The following INCENP variants were observed in gnomAD, a reference collection of about 807,000 sequenced individuals.
INCENP encodes the protein binds and activates aurora-B and -C in vivo and in vitro.
In INCENP, 43 loss-of-function variants were observed where a neutral mutation model predicts 107.3. The observed-to-expected ratio is 0.40, with a 90% confidence interval of 0.31 to 0.52. The LOEUF (loss-of-function observed/expected upper bound fraction) is 0.52. Among genes scored for constraint, INCENP ranks in the 20% least tolerant of loss-of-function variants. The probability of loss-of-function intolerance (pLI) is 0.53; values close to 1 mark genes in which losing one functional copy is unlikely to be tolerated. For synonymous variants in INCENP, 488 were observed against 494.4 expected, an observed-to-expected ratio of 0.99 and a Z score of 0.17; for missense variants, 1,089 against 1,250.9, an observed-to-expected ratio of 0.87 and a Z score of 1.95.
rs373715279 is a variant in INCENP at position 62,140,190 on chromosome 11, C to A, written c.1292-44C>A. 5.0e-6 allele frequency: 8 copies of A among 1,592,090 alleles called. No homozygotes were observed. In the African/African-American group the frequency reaches 1.1e-4, roughly 21 times the overall value. ...CTACACCCCCATTCCCACCCTGCCG[C>A]CGCCATCGTTTCTGCAGCCTTGCTG... is the stretch of plus-strand genomic sequence containing the variant. On this transcript the variant is annotated intron_variant, in intron 7 of 18. Transcript: ENST00000394818.
In INCENP at chr11:62,145,115, T is replaced by G. The variant is rs560622425; in HGVS notation, c.1715+24T>G. On this transcript the variant is annotated intron_variant, in intron 12 of 18. Transcript: ENST00000394818. Reference sequence around the variant, plus strand: ...CTGTAAGTGGCCTGGCTTCCTGGACTGTGGCCCATCCCAGCCTTGGTGGGG... The same window carrying G: ...CTGTAAGTGGCCTGGCTTCCTGGACGGTGGCCCATCCCAGCCTTGGTGGGG... 1.2e-5 allele frequency: 20 copies of G among 1,613,988 alleles called. No individual in the cohort carries two copies. The East Asian group carries it at 4.2e-4, about 34-fold the overall frequency.
intron 1 of INCENP, among the ~76,000 whole-genome samples, chr11:62,125,797 C>T (rs1675128): frequency 0.57 from 86,004 of 152,084 alleles, 25,816 homozygotes; most frequent in Non-Finnish European, 0.67. Context: ...GGGCATTCAA[C>T]GATGAGCAAG....
chr11:62,140,666 C>G (rs1434214334), intron 8 of INCENP, 38 bp from the exon 9 acceptor site: 1 of 1,508,004 alleles, frequency 6.6e-7, no homozygotes, highest in African/African-American at 1.4e-5. Context: ...TGGGCTGTGG[C>G]GGGCTGCCCT....
Position 62,151,983 on chromosome 11 carries a change from C to T in INCENP, c.*7C>T. The stretch of plus-strand genomic sequence containing the variant: ...CAGCCTGAAGAAGCACTGAGGCTGG[C>T]CTGCGGCCTTCTTGGCAGCCTCGCC... On this transcript the variant is annotated 3_prime_UTR_variant, in exon 19 of 19. Transcript: ENST00000394818. 6.2e-7 allele frequency: 1 copy of T among 1,602,602 alleles called. No individual in the cohort carries two copies. The highest frequency in any genetic ancestry group is 8.5e-7 in the Non-Finnish European group (1 of 1,175,864).
Position 62,140,973 on chromosome 11 carries a change from C to T in INCENP, c.1522C>T (p.Pro508Ser). The T allele has an allele frequency of 6.2e-7, 1 of 1,614,242 alleles. No individual in the cohort carries two copies. ...GCAGAGGAACCAGATGCTCATGACC[C>T]CGACCTCAGCCCCACGCAGCGTCAT... Reference protein sequence around the residue: ...TVQRNQMLMTPTSAPRSVMKS... With the variant: ...TVQRNQMLMTSTSAPRSVMKS... Residue 508 changes from proline to serine, a missense_variant, in exon 10 of 19, where the codon CCG becomes TCG. By Grantham distance (74) the Pro-to-Ser change is moderately conservative. Transcript: ENST00000394818.
At position 62,124,092 on chromosome 11, in the gene INCENP, C is replaced by G. The variant is rs1254444459; in HGVS notation, c.-83C>G. ...AGGCCCGGAGCCAAGTGGGTCTGGG[C>G]AAGCGGGGCCTTACCTAGGGATACC... On this transcript the variant is annotated 5_prime_UTR_variant, in exon 1 of 19. Transcript: ENST00000394818. The G allele has an allele frequency of 1.3e-5, 2 of 152,250 alleles. No homozygotes were observed. Among genetic ancestry groups the G allele is most frequent in the African/African-American group, 4.8e-5 (2 of 41,464 alleles). 9.4% of individuals were successfully genotyped at this position (152,250 alleles called of 1,614,324 possible).
intron 1 of INCENP, among the ~76,000 whole-genome samples, chr11:62,125,586 T>C (rs11230917): frequency 0.55 from 82,996 of 152,132 alleles, 24,397 homozygotes; most frequent in Non-Finnish European, 0.67. Flanking sequence ...GGCCCTGCCC[T>C]GATTATTGCT....
At chr11:62,129,276 A>AC (rs1410263032) in intron 3 of INCENP, among the ~76,000 whole-genome samples, 3 of 152,252 alleles carry the variant, frequency 2.0e-5, no homozygotes, top group African/African-American at 7.2e-5. Flanking sequence ...CTCAGGAATG[A>AC]TTGGGGCTGC....
intron 18 of INCENP, among the ~76,000 whole-genome samples, chr11:62,150,822 G>T (rs1590631973): frequency 1.3e-5 from 2 of 152,200 alleles, no homozygotes; most frequent in South Asian, 4.1e-4. Context: ...TGCCAGAGTG[G>T]ATGGGGCCCG....
intron 14 of INCENP, among the ~76,000 whole-genome samples, chr11:62,146,312 C>T (rs1475171027): frequency 6.6e-6 from 1 of 152,200 alleles, no homozygotes; most frequent in Non-Finnish European, 1.5e-5. Flanking sequence ...TGCGTATCAA[C>T]CCAGCAACCC....
rs1360900777 is a variant in INCENP at position 62,128,755 on chromosome 11, C to T, written c.141-15C>T. 8 of 1,590,078 alleles carry T rather than the reference C, an allele frequency of 5.0e-6. No homozygotes were observed. In the South Asian group the frequency reaches 7.7e-5, roughly 15 times the overall value. On this transcript the variant is annotated splice_polypyrimidine_tract_variant and intron_variant, in intron 2 of 18. Coordinates refer to ENST00000394818, the MANE Select transcript of INCENP (RefSeq NM_001040694.2). ...CCCAGGCAGCCTCGAGTGACACCCT[C>T]CTTGTGCCAAACAGAGAATTCAGCA...
chr11:62,150,276 G>T, intron 18 of INCENP, 69 bp downstream of exon 18: 1 of 1,541,622 alleles, frequency 6.5e-7, no homozygotes. Flanking sequence ...GGCCCTGGAA[G>T]TAGTGGGTTG....
intron 6 of INCENP, 49 bp downstream of exon 6, chr11:62,138,819 T>G (rs1944047729): frequency 1.2e-6 from 2 of 1,607,840 alleles, no homozygotes; most frequent in Admixed American, 1.7e-5. Context: ...GGGCTCCCGC[T>G]CTGCACTACG....
chr11:62,151,859 C>A lies in INCENP; in HGVS notation c.2640C>A (p.Ile880=). 1 of 1,614,230 alleles carries A rather than the reference C, an allele frequency of 6.2e-7. No individual in the cohort carries two copies. Among genetic ancestry groups the A allele is most frequent in the African/African-American group, 1.3e-5 (1 of 75,076 alleles). ...TTCTCCCACTGGACTTGGAGGATAT[C>A]TTCAAGAAGAGCAAGCCCCGCTATC... is the stretch of plus-strand genomic sequence containing the variant. ...GTILPLDLED[I]FKKSKPRYHK... Residue 880 remains isoleucine, a synonymous_variant, in exon 19 of 19, where the codon ATC becomes ATA. Coordinates refer to ENST00000394818, the MANE Select transcript of INCENP (RefSeq NM_001040694.2).
intron 8 of INCENP, 92 bp downstream of exon 8, chr11:62,140,377 A>T: frequency 8.9e-7 from 1 of 1,125,462 alleles, no homozygotes; most frequent in Non-Finnish European, 1.4e-6. Context: ...ATGTGTGCTC[A>T]GGGGCTTCAG....
chr11:62,140,802 C>T lies in INCENP; in HGVS notation c.1442C>T (p.Ser481Leu), dbSNP rs1207311812. The T allele has an allele frequency of 1.9e-6, 3 of 1,613,238 alleles. No homozygotes were observed. The highest frequency in any genetic ancestry group is 3.3e-5 in the Admixed American group (2 of 60,016). ...LQPPRSKTPS[S>L]PCPASKVVRP... The stretch of plus-strand genomic sequence containing the variant: ...CCCCCCAGGAGCAAGACCCCTTCCT[C>T]ACCCTGCCCAGCCAGCAAGGTGAGC... The change falls in exon 9 of 19, where the codon TCA (serine) becomes TTA (leucine). Residue 481 changes from serine (S) to leucine (L), a missense_variant. Transcript: ENST00000394818.
At chr11:62,133,799 C>T (rs112173567) in intron 4 of INCENP, among the ~76,000 whole-genome samples, 4 of 152,268 alleles carry the variant, frequency 2.6e-5, no homozygotes, top group Admixed American at 6.5e-5. Context: ...GTCAGCCCGG[C>T]GCTGCAGCTG....
At chr11:62,135,030 G>A (rs1336303481) in intron 4 of INCENP, among the ~76,000 whole-genome samples, 1 of 152,060 alleles carries the variant, frequency 6.6e-6, no homozygotes, top group Non-Finnish European at 1.5e-5. Context: ...CAGCCTGGGT[G>A]ATACAGTGAG....
At chr11:62,143,052 G>C (rs140843798) in intron 11 of INCENP, among the ~76,000 whole-genome samples, 3 of 107,930 alleles carry the variant, frequency 2.8e-5, no homozygotes, top group African/African-American at 2.8e-5. Flanking sequence ...ATAGGATTTG[G>C]CCACACTTTT....
Sources: gnomAD v4.1 joint callset for allele counts (sites outside exome capture counted in the v4.1 genomes callset) on GRCh38, gnomAD v4.1.1 for gene constraint, MANE v1.5 for transcripts, NCBI Gene and HGNC (gene_info 2026-07-23, HGNC 2026-07-21) for gene names.